The following PDE11A variants were observed in gnomAD, a reference collection of about 807,000 sequenced individuals.
PDE11A encodes the protein phosphodiesterase 11A.
In PDE11A, 100 loss-of-function variants were observed where a neutral mutation model predicts 100.5. That is an observed-to-expected ratio of 1.00 (90% CI 0.85 to 1.18). PDE11A has a LOEUF of 1.18. Among genes scored for constraint, PDE11A ranks in the 50% most tolerant of loss-of-function variants. The probability of loss-of-function intolerance (pLI) is 0.00; values close to 1 mark genes in which losing one functional copy is unlikely to be tolerated. For missense variants in PDE11A, 1,141 were observed against 1,152.6 expected, an observed-to-expected ratio of 0.99 and a Z score of 0.15; for synonymous variants, 381 against 420.8, an observed-to-expected ratio of 0.91 and a Z score of 1.16.
At chr2:177,708,265 A>G (rs542530530) in intron 13 of PDE11A, among the ~76,000 whole-genome samples, 3 of 152,172 alleles carry the variant, frequency 2.0e-5, no homozygotes, top group African/African-American at 2.4e-5. Flanking sequence ...AATGTGGTAT[A>G]TATACACCCT....
intron 19 of PDE11A, among the ~76,000 whole-genome samples, chr2:177,647,942 C>G (rs1306824799): frequency 6.6e-6 from 1 of 152,020 alleles, no homozygotes. Flanking sequence ...GAAACCCTGT[C>G]TCTACAGAAA....
chr2:177,684,981 C>G (rs914859151), intron 15 of PDE11A, among the ~76,000 whole-genome samples: 2 of 152,174 alleles, frequency 1.3e-5, no homozygotes, highest in African/African-American at 4.8e-5. Flanking sequence ...GAAAGTTTGT[C>G]AGCCATCCTC....
intron 2 of PDE11A, among the ~76,000 whole-genome samples, chr2:178,085,015 T>C (rs377523957): frequency 3.3e-5 from 5 of 152,162 alleles, no homozygotes; most frequent in African/African-American, 4.8e-5. Flanking sequence ...GGAATGTCCA[T>C]ATAGGTACTT....
chr2:177,820,035 T>C (rs1206127987), intron 7 of PDE11A, among the ~76,000 whole-genome samples, 185 bp downstream of exon 7: 1 of 151,920 alleles, frequency 6.6e-6, no homozygotes, highest in African/African-American at 2.4e-5. Context: ...TACATATTTG[T>C]TCAAGTTGTG....
At chr2:177,767,581 T>C (rs1009537475) in intron 10 of PDE11A, among the ~76,000 whole-genome samples, 7 of 152,138 alleles carry the variant, frequency 4.6e-5, no homozygotes, top group African/African-American at 1.4e-4. Flanking sequence ...TGAACTTTAT[T>C]GGCTAACATT....
chr2:177,923,454 G>A (rs2105756408), intron 2 of PDE11A, among the ~76,000 whole-genome samples: 1 of 152,204 alleles, frequency 6.6e-6, no homozygotes, highest in East Asian at 1.9e-4. Context: ...GACCTTGAAT[G>A]AGGTCATTAA....
At chr2:178,059,961 A>G (rs1222874678) in intron 1 of PDE11A, among the ~76,000 whole-genome samples, 2 of 152,340 alleles carry the variant, frequency 1.3e-5, no homozygotes, top group Admixed American at 6.5e-5. Flanking sequence ...GCACTTGGCT[A>G]TGGCCACATC....
At chr2:178,096,716 C>T (rs1309466004) in intron 2 of PDE11A, among the ~76,000 whole-genome samples, 5 of 152,166 alleles carry the variant, frequency 3.3e-5, no homozygotes, top group Admixed American at 3.3e-4. Context: ...CATCTGAGAC[C>T]ACCTCAGCCT....
chr2:178,048,325 A>G (rs1188666021), intron 1 of PDE11A, among the ~76,000 whole-genome samples: 1 of 152,106 alleles, frequency 6.6e-6, no homozygotes, highest in Non-Finnish European at 1.5e-5. Flanking sequence ...GCAAGAGAGT[A>G]TTGGGATGGG....
At chr2:177,787,422 C>T (rs1226422203) in intron 9 of PDE11A, among the ~76,000 whole-genome samples, 11 of 151,312 alleles carry the variant, frequency 7.3e-5, no homozygotes, top group Admixed American at 2.6e-4. Context: ...TGGTACCAGC[C>T]GCTGCAAAAT....
chr2:178,012,823 G>C (rs889278932), intron 2 of PDE11A, among the ~76,000 whole-genome samples: 2 of 152,184 alleles, frequency 1.3e-5, no homozygotes, highest in African/African-American at 4.8e-5. Context: ...TGAACTGTTA[G>C]GGGTATGGTA....
intron 2 of PDE11A, among the ~76,000 whole-genome samples, chr2:177,929,642 C>T (rs901719322): frequency 5.9e-5 from 9 of 152,100 alleles, no homozygotes; most frequent in African/African-American, 2.2e-4. Context: ...CAGTTAATCT[C>T]AATTAAATTA....
chr2:177,738,267 T>C (rs1419883822), intron 10 of PDE11A, among the ~76,000 whole-genome samples: 7 of 152,086 alleles, frequency 4.6e-5, no homozygotes, highest in Non-Finnish European at 8.8e-5. Context: ...GCCTGCTTCA[T>C]CCCTCCAAGA....
intron 5 of PDE11A, among the ~76,000 whole-genome samples, chr2:177,845,612 C>T (rs1395612896): frequency 6.6e-6 from 1 of 152,192 alleles, no homozygotes; most frequent in Non-Finnish European, 1.5e-5. Context: ...AGACGCTCCT[C>T]ACTTCCCAGA....
chr2:178,043,637 A>T (rs1162927810), intron 1 of PDE11A, among the ~76,000 whole-genome samples: 1 of 152,216 alleles, frequency 6.6e-6, no homozygotes, highest in Admixed American at 6.5e-5. Context: ...GATTCCTCAG[A>T]TAATAGCAAT....
rs1450136886 is a variant in PDE11A, at chr2:177,631,542, TATATAC to T, written c.2647-1986_2647-1981del. 3.6e-3 allele frequency among the ~76,000 whole-genome samples: 107 copies of T among 29,332 alleles called. 7 individuals carry two copies. The highest frequency in any genetic ancestry group is 0.015 in the African/African-American group (103 of 7,042). The allele number at this position is 29,332 out of a possible 152,430, so 19.2% of individuals were successfully genotyped here. ...ATATATATATATATATATATATATA[TATATAC>T]ACATGTATATATATATATATACATG... On this transcript the variant is annotated intron_variant, in intron 19 of 19. Coordinates refer to ENST00000286063, the MANE Select transcript of PDE11A (RefSeq NM_016953.4).
chr2:178,032,374 C>G (rs2086559448), intron 1 of PDE11A, among the ~76,000 whole-genome samples: 1 of 151,808 alleles, frequency 6.6e-6, no homozygotes, highest in African/African-American at 2.4e-5. Context: ...GTCCCAGCTA[C>G]TGGAGAGGCT....
chr2:177,957,937 G>A (rs1437488027), intron 2 of PDE11A, among the ~76,000 whole-genome samples: 1 of 42,174 alleles, frequency 2.4e-5, no homozygotes, highest in African/African-American at 2.1e-4. Context: ...GTCTCTTGCT[G>A]TTGCCCAGGC....
chr2:177,950,764 AGCCGAGCGCCATGGCAGGC>A (rs1482546479), intron 2 of PDE11A, among the ~76,000 whole-genome samples: 1 of 152,206 alleles, frequency 6.6e-6, no homozygotes, highest in African/African-American at 2.4e-5. Context: ...ACAAAACATT[AGCCGAGCGCCATGGCAGGC>A]GCCGATAGTC....
Sources: gnomAD v4.1 joint callset for allele counts (sites outside exome capture counted in the v4.1 genomes callset) on GRCh38, gnomAD v4.1.1 for gene constraint, MANE v1.5 for transcripts, NCBI Gene and HGNC (gene_info 2026-07-23, HGNC 2026-07-21) for gene names.